ELOVL7: variants seen among roughly 807,000 people sequenced by gnomAD.
The protein encoded by ELOVL7 is very long chain fatty acid elongase 7.
A neutral mutation model predicts 35.7 loss-of-function variants in ELOVL7; 27 were observed. The observed-to-expected ratio is 0.76, with a 90% CI of 0.56 to 1.04. ELOVL7 has a LOEUF of 1.04. Ranked by LOEUF, ELOVL7 falls within the 50% of genes least tolerant of loss-of-function variation. The pLI is 0.00. For missense variants in ELOVL7, 327 were observed against 340.8 expected, an observed-to-expected ratio of 0.96 and a Z score of 0.32; for synonymous variants, 113 against 114.6, an observed-to-expected ratio of 0.99 and a Z score of 0.09.
intron 1 of ELOVL7, among the ~76,000 whole-genome samples, chr5:60,833,092 A>AG (rs1308826208): frequency 2.6e-5 from 4 of 152,164 alleles, no homozygotes; most frequent in Admixed American, 6.5e-5. Flanking sequence ...ACAAAGATGG[A>AG]GGGGGGCAAT....
chr5:60,817,903 T>C (rs1745627092), intron 1 of ELOVL7, among the ~76,000 whole-genome samples: 1 of 150,972 alleles, frequency 6.6e-6, no homozygotes. Context: ...GATTTTTTTA[T>C]TGTAGCAATC....
At position 60,837,172 on chromosome 5, in the gene ELOVL7, G is replaced by A. The variant is rs995016400; in HGVS notation, c.-86+6988C>T. On this transcript the variant is annotated intron_variant, in intron 1 of 8. Coordinates refer to ENST00000508821, the MANE Select transcript of ELOVL7 (RefSeq NM_024930.3). ...CTGCAGGCTGGGTGCAGTGTCTCAC[G>A]CCTGTAATCCCAGCACTTTGGGAGG... Among the ~76,000 whole-genome samples, 44 of 151,868 alleles carry A rather than the reference G, an allele frequency of 2.9e-4. No individual in the cohort carries two copies. The South Asian group carries it at 5.6e-3, about 19-fold the overall frequency.
chr5:60,766,810 G>T (rs1742270599), intron 5 of ELOVL7, among the ~76,000 whole-genome samples, 180 bp from the exon 6 acceptor site: 1 of 152,092 alleles, frequency 6.6e-6, no homozygotes, highest in African/African-American at 2.4e-5. Context: ...TCCATCCATA[G>T]AACTTTTTTC....
intron 6 of ELOVL7, among the ~76,000 whole-genome samples, chr5:60,765,256 A>G (rs1742166407): frequency 6.6e-6 from 1 of 152,166 alleles, no homozygotes; most frequent in Non-Finnish European, 1.5e-5. Context: ...AAAGCCATAC[A>G]CTAACACTCT....
intron 1 of ELOVL7, among the ~76,000 whole-genome samples, chr5:60,809,135 A>G (rs1010065471): frequency 1.3e-5 from 2 of 152,202 alleles, no homozygotes; most frequent in African/African-American, 4.8e-5. Context: ...ACCTCTGTGT[A>G]TGTCTGACAA....
At chr5:60,762,085 A>G (rs1360662575) in intron 7 of ELOVL7, among the ~76,000 whole-genome samples, 1 of 152,108 alleles carries the variant, frequency 6.6e-6, no homozygotes, top group Non-Finnish European at 1.5e-5. Flanking sequence ...AACATATGAG[A>G]GAGAAGAAAA....
At chr5:60,755,423 C>T (rs1357601373) in intron 8 of ELOVL7, among the ~76,000 whole-genome samples, 1 of 152,132 alleles carries the variant, frequency 6.6e-6, no homozygotes, top group East Asian at 1.9e-4. Flanking sequence ...CTTTGGGAGG[C>T]TGAGGCGGGT....
At chr5:60,790,404 G>A (rs1743865358) in intron 2 of ELOVL7, among the ~76,000 whole-genome samples, 1 of 152,108 alleles carries the variant, frequency 6.6e-6, no homozygotes, top group Admixed American at 6.5e-5. Context: ...TACCTTTACT[G>A]GAACATTCCT....
intron 3 of ELOVL7, among the ~76,000 whole-genome samples, chr5:60,780,268 C>T (rs1293510818): frequency 6.6e-6 from 1 of 151,962 alleles, no homozygotes; most frequent in Non-Finnish European, 1.5e-5. Flanking sequence ...TACAGGCATG[C>T]GCCACCACGC....
At chr5:60,763,895 C>G (rs1324835947) in intron 7 of ELOVL7, among the ~76,000 whole-genome samples, 3 of 151,958 alleles carry the variant, frequency 2.0e-5, no homozygotes, top group Non-Finnish European at 4.4e-5. Flanking sequence ...TCCTATAAAG[C>G]CAAAGTTTTT....
intron 3 of ELOVL7, among the ~76,000 whole-genome samples, chr5:60,786,572 G>T (rs1561441618): frequency 2.0e-5 from 3 of 152,140 alleles, no homozygotes; most frequent in African/African-American, 7.2e-5. Context: ...ACTCGGAGGT[G>T]TCCCAGGCAG....
At chr5:60,798,412 C>T (rs116566763) in intron 2 of ELOVL7, among the ~76,000 whole-genome samples, 1,799 of 152,200 alleles carry the variant, frequency 0.012, 21 homozygotes, top group South Asian at 0.042. Context: ...TTAAAGGGCT[C>T]CTCCTCCCAA....
At chr5:60,765,268 G>C (rs1035729177) in intron 6 of ELOVL7, among the ~76,000 whole-genome samples, 2 of 152,102 alleles carry the variant, frequency 1.3e-5, no homozygotes. Flanking sequence ...TAACACTCTG[G>C]GTCCTAGTCC....
chr5:60,828,331 C>CTA lies in ELOVL7; in HGVS notation c.-86+15828_-86+15829insTA, dbSNP rs371925966. ...TTATGCAGAGACATGGAGGATTTAG[C>CTA]ACTTTTCATTAAAAATTAACATATA... On this transcript the variant is annotated intron_variant, in intron 1 of 8. Transcript: ENST00000508821. 7.0e-3 allele frequency among the ~76,000 whole-genome samples: 1,068 copies of CTA among 152,236 alleles called. 10 individuals are homozygous for CTA. Among genetic ancestry groups the CTA allele is most frequent in the South Asian group, 0.042 (201 of 4,814 alleles).
At chr5:60,795,860 T>C (rs1357991724) in intron 2 of ELOVL7, among the ~76,000 whole-genome samples, 1 of 152,036 alleles carries the variant, frequency 6.6e-6, no homozygotes, top group Non-Finnish European at 1.5e-5. Context: ...GCTGTAACAC[T>C]CACCGCATGG....
rs184840626 is a variant in ELOVL7 at position 60,774,180 on chromosome 5, A to C, written c.65-2087T>G. Among the ~76,000 whole-genome samples, 419 of 152,166 alleles carry C rather than the reference A, an allele frequency of 2.8e-3. 3 individuals carry two copies. Among genetic ancestry groups the C allele is most frequent in the African/African-American group, 9.5e-3 (394 of 41,560 alleles). On this transcript the variant is annotated intron_variant, in intron 3 of 8. Coordinates refer to ENST00000508821, the MANE Select transcript of ELOVL7 (RefSeq NM_024930.3). The stretch of plus-strand genomic sequence containing the variant: ...ACCAAAATCTGGCAAAGACACACCA[A>C]CAACAACAACAATGACAAAAAAGAA...
At chr5:60,786,963 A>T (rs955590985) in intron 3 of ELOVL7, among the ~76,000 whole-genome samples, 10 of 152,038 alleles carry the variant, frequency 6.6e-5, no homozygotes, top group African/African-American at 2.4e-4. Flanking sequence ...TGTCTTAAAA[A>T]AAAAAAAAAG....
Position 60,764,308 on chromosome 5 carries a change from T to A in ELOVL7, c.418A>T (p.Asn140Tyr). ...DTIFFVLRKKNSQVTFLHVFH... is the reference protein window; with the variant it reads ...DTIFFVLRKKYSQVTFLHVFH... ...ACATGAAGGAAAGTCACTTGGCTATTTTTCTTGCGCAGAACAAAAAAGATC... is the reference window on the plus strand; with the variant it reads ...ACATGAAGGAAAGTCACTTGGCTATATTTCTTGCGCAGAACAAAAAAGATC... Residue 140 changes from asparagine (N) to tyrosine (Y), a missense_variant, in exon 7 of 9, where the codon AAT becomes TAT. Coordinates refer to ENST00000508821, the MANE Select transcript of ELOVL7 (RefSeq NM_024930.3). 6.2e-7 allele frequency: 1 copy of A among 1,613,416 alleles called. No individual in the cohort carries two copies. Among genetic ancestry groups the A allele is most frequent in the Non-Finnish European group, 8.5e-7 (1 of 1,179,474 alleles).
At chr5:60,788,580 G>A (rs1215152461) in intron 2 of ELOVL7, among the ~76,000 whole-genome samples, 2 of 152,128 alleles carry the variant, frequency 1.3e-5, no homozygotes, top group African/African-American at 4.8e-5. Flanking sequence ...TTGGAGACCA[G>A]CCTGACCAAC....
Sources: allele counts gnomAD v4.1 joint callset (sites outside exome capture counted in the v4.1 genomes callset), GRCh38; gene constraint gnomAD v4.1.1; transcripts MANE v1.5; gene names NCBI Gene and HGNC (gene_info 2026-07-23, HGNC 2026-07-21).